KCNMA1: variants seen among roughly 807,000 people sequenced by gnomAD.
The protein encoded by KCNMA1 is potassium calcium-activated channel subfamily M alpha 1, also known as Calcium-activated potassium channel subunit alpha-1.
A neutral mutation model predicts 140.0 loss-of-function variants in KCNMA1; 29 were observed. The ratio of observed to expected loss-of-function variants is 0.21; its 90% CI spans 0.15 to 0.28. KCNMA1 has a LOEUF of 0.28. Among genes scored for constraint, KCNMA1 ranks in the 10% least tolerant of loss-of-function variants. KCNMA1 has a pLI of 1.00. For missense variants in KCNMA1, 880 were observed against 1,602.2 expected (o/e 0.55, Z 7.70); for synonymous variants, 612 against 611.9 (o/e 1.00, Z 0.00).
intron 19 of KCNMA1, among the ~76,000 whole-genome samples, chr10:76,990,429 C>G (rs541431742): frequency 6.6e-6 from 1 of 152,160 alleles, no homozygotes; most frequent in Non-Finnish European, 1.5e-5. Context: ...CATCAGAATC[C>G]CCTAACATAG....
intron 19 of KCNMA1, among the ~76,000 whole-genome samples, chr10:76,986,216 C>A (rs1220084317): frequency 6.6e-6 from 1 of 152,116 alleles, no homozygotes; most frequent in Non-Finnish European, 1.5e-5. Context: ...TAATCTCTAA[C>A]AACAACAACA....
At chr10:77,059,190 G>T (rs1452354138) in intron 14 of KCNMA1, among the ~76,000 whole-genome samples, 1 of 151,656 alleles carries the variant, frequency 6.6e-6, no homozygotes, top group Non-Finnish European at 1.5e-5. Flanking sequence ...AACCATTGAA[G>T]ACATTGAATT....
intron 1 of KCNMA1, among the ~76,000 whole-genome samples, chr10:77,441,089 C>T (rs995672411): frequency 6.6e-6 from 1 of 152,018 alleles, no homozygotes; most frequent in African/African-American, 2.4e-5. Flanking sequence ...TCCCAAAGTG[C>T]TGGGATTACA....
At chr10:77,146,668 C>A (rs980245671) in intron 5 of KCNMA1, among the ~76,000 whole-genome samples, 4 of 128,532 alleles carry the variant, frequency 3.1e-5, no homozygotes, top group Non-Finnish European at 4.7e-5. Flanking sequence ...TGCCACTACA[C>A]TCCAGCCTGG....
chr10:77,615,950 T>C (rs1284641593), intron 1 of KCNMA1, among the ~76,000 whole-genome samples: 2 of 152,184 alleles, frequency 1.3e-5, no homozygotes, highest in Admixed American at 1.3e-4. Context: ...TGCTAAATGC[T>C]ATTATACTCA....
At chr10:77,231,409 A>G (rs2053539190) in intron 3 of KCNMA1, among the ~76,000 whole-genome samples, 1 of 152,220 alleles carries the variant, frequency 6.6e-6, no homozygotes. Context: ...ATTTGTGTGC[A>G]TGTATGATGA....
At chr10:77,615,869 G>A (rs1462706938) in intron 1 of KCNMA1, among the ~76,000 whole-genome samples, 1 of 152,096 alleles carries the variant, frequency 6.6e-6, no homozygotes, top group Non-Finnish European at 1.5e-5. Flanking sequence ...TGGTTATATT[G>A]ACAAAGGAGA....
intron 1 of KCNMA1, among the ~76,000 whole-genome samples, chr10:77,411,362 C>A (rs1026894140): frequency 6.6e-6 from 1 of 152,122 alleles, no homozygotes; most frequent in African/African-American, 2.4e-5. Flanking sequence ...TCTTACCATG[C>A]ACAATCTAGA....
At chr10:77,555,057 T>TACACACAC (rs111952376) in intron 1 of KCNMA1, among the ~76,000 whole-genome samples, 1 of 151,428 alleles carries the variant, frequency 6.6e-6, no homozygotes, top group Non-Finnish European at 1.5e-5. Flanking sequence ...TCTTACCACA[T>TACACACAC]ACACACACGC....
At chr10:77,371,589 T>C (rs892497324) in intron 2 of KCNMA1, among the ~76,000 whole-genome samples, 2 of 152,234 alleles carry the variant, frequency 1.3e-5, no homozygotes, top group African/African-American at 4.8e-5. Flanking sequence ...GCCAGAGCTG[T>C]GAGGCAGCTG....
intron 14 of KCNMA1, among the ~76,000 whole-genome samples, chr10:77,066,635 G>A (rs1280768788): frequency 6.6e-6 from 1 of 152,152 alleles, no homozygotes; most frequent in Non-Finnish European, 1.5e-5. Context: ...AAAGCAATGA[G>A]AATAATTGAG....
intron 12 of KCNMA1, among the ~76,000 whole-genome samples, chr10:77,084,259 C>T (rs1198311973): frequency 6.6e-6 from 1 of 152,174 alleles, no homozygotes; most frequent in Non-Finnish European, 1.5e-5. Context: ...TGCAAAATGT[C>T]CCCTGGGGGC....
At chr10:77,079,396 G>GTGTA in intron 13 of KCNMA1, 85 bp downstream of exon 13, 1 of 777,484 alleles carries the variant, frequency 1.3e-6, no homozygotes. Flanking sequence ...GTGTGTGTGT[G>GTGTA]TGTGTGTGAG....
chr10:76,960,969 T>C (rs1407049943), intron 20 of KCNMA1, among the ~76,000 whole-genome samples: 1 of 152,074 alleles, frequency 6.6e-6, no homozygotes. Context: ...ATGTATAAGA[T>C]GAATGTTGTT....
At chr10:77,461,417 C>T (rs929996899) in intron 1 of KCNMA1, among the ~76,000 whole-genome samples, 3 of 152,128 alleles carry the variant, frequency 2.0e-5, no homozygotes, top group African/African-American at 7.2e-5. Flanking sequence ...CTTCATTTTA[C>T]AGGGAGGGAA....
chr10:77,243,234 C>G (rs1335392150), intron 3 of KCNMA1, among the ~76,000 whole-genome samples: 1 of 152,150 alleles, frequency 6.6e-6, no homozygotes, highest in Non-Finnish European at 1.5e-5. Context: ...TTGTGTTAGG[C>G]ACAAGCACTG....
At chr10:77,158,491 C>G (rs1286454139) in intron 5 of KCNMA1, among the ~76,000 whole-genome samples, 1 of 152,096 alleles carries the variant, frequency 6.6e-6, no homozygotes, top group Non-Finnish European at 1.5e-5. Flanking sequence ...CTCCCCTTCC[C>G]CCTTTTCATG....
At chr10:77,353,544 C>T (rs181640114) in intron 2 of KCNMA1, among the ~76,000 whole-genome samples, 5 of 151,880 alleles carry the variant, frequency 3.3e-5, no homozygotes, top group African/African-American at 9.7e-5. Flanking sequence ...CCACATCATT[C>T]GTGCTTACTA....
At chr10:76,949,444 TG>T in intron 21 of KCNMA1, 78 bp from the exon 22 acceptor site, 2 of 1,225,308 alleles carry the variant, frequency 1.6e-6, no homozygotes, top group Non-Finnish European at 2.4e-6. Flanking sequence ...AAATCATTTG[TG>T]CAAAGAATCA....
Sources: allele counts gnomAD v4.1 joint callset (sites outside exome capture counted in the v4.1 genomes callset), GRCh38; gene constraint gnomAD v4.1.1; transcripts MANE v1.5; gene names NCBI Gene and HGNC (gene_info 2026-07-23, HGNC 2026-07-21).